Variants in ZC3H18 observed in about 807,000 individuals in gnomAD.
ZC3H18 encodes the protein zinc finger CCCH-type containing 18.
ZC3H18 carries 8 observed loss-of-function variants against 106.1 expected under a neutral mutation model. The observed-to-expected ratio is 0.08, with a 90% confidence interval of 0.04 to 0.14. ZC3H18 has a LOEUF of 0.14. Among genes scored for constraint, ZC3H18 ranks in the 10% least tolerant of loss-of-function variants. The probability of loss-of-function intolerance (pLI) is 1.00; values close to 1 mark genes in which losing one functional copy is unlikely to be tolerated. For missense variants in ZC3H18, 1,318 were observed against 1,278.4 expected (o/e 1.03, Z -0.47); for synonymous variants, 635 against 522.1 (o/e 1.22, Z -2.95).
intron 4 of ZC3H18, 142 bp downstream of exon 4, chr16:88,598,468 G>A: frequency 6.8e-7 from 1 of 1,472,776 alleles, no homozygotes; most frequent in Non-Finnish European, 9.2e-7. Flanking sequence ...GTGGAAGCAG[G>A]CCTCGGCTTT....
intron 2 of ZC3H18, among the ~76,000 whole-genome samples, chr16:88,585,769 G>A (rs1248495392): frequency 6.6e-6 from 1 of 152,122 alleles, no homozygotes; most frequent in African/African-American, 2.4e-5. Context: ...ATGGGCAGTG[G>A]TGCAGATTGC....
In ZC3H18 at chr16:88,622,536, C is replaced by T. The variant is rs369582927; in HGVS notation, c.1667+148C>T. The T allele has an allele frequency of 3.5e-5, 30 of 854,676 alleles. No individual in the cohort carries two copies. In the African/African-American group the frequency reaches 3.9e-4, roughly 11 times the overall value. 52.9% of individuals were successfully genotyped at this position (854,676 alleles called of 1,614,324 possible). ...TGCAGACCAGTCAGTGGGACTAACC[C>T]GGCGTTTATACCTTCAGCAAAGAGC... On this transcript the variant is annotated intron_variant, in intron 9 of 17. Coordinates refer to ENST00000301011, the MANE Select transcript of ZC3H18 (RefSeq NM_144604.4).
At chr16:88,614,874 C>A (rs1015962922) in intron 8 of ZC3H18, among the ~76,000 whole-genome samples, 1 of 152,238 alleles carries the variant, frequency 6.6e-6, no homozygotes, top group African/African-American at 2.4e-5. Context: ...AAGGTGCAGC[C>A]CAGCACCCCG....
chr16:88,594,929 A>C (rs1272027417), intron 3 of ZC3H18, among the ~76,000 whole-genome samples: 1 of 152,244 alleles, frequency 6.6e-6, no homozygotes, highest in African/African-American at 2.4e-5. Flanking sequence ...AGGCGGGCGG[A>C]TCACCTGAGG....
chr16:88,591,843 G>A (rs1396213455), intron 3 of ZC3H18, among the ~76,000 whole-genome samples: 1 of 152,040 alleles, frequency 6.6e-6, no homozygotes, highest in African/African-American at 2.4e-5. Flanking sequence ...TGGTGGTTGT[G>A]TGTTTCATCT....
At chr16:88,591,573 A>C (rs1391452650) in intron 3 of ZC3H18, among the ~76,000 whole-genome samples, 20 of 142,114 alleles carry the variant, frequency 1.4e-4, no homozygotes, top group Admixed American at 4.9e-4. Context: ...CTCCGTCTCC[A>C]AAAAAAAAAA....
rs370224340 is a variant in ZC3H18, at chr16:88,583,712, T to C, written c.604-2888T>C. ...GCGTGGAGACCCGGCTTCAGATGGG[T>C]GCACTGAGGCCTGTGTGTCTCCTCA... On this transcript the variant is annotated intron_variant, in intron 2 of 17. Transcript: ENST00000301011. Among the ~76,000 whole-genome samples, 11 of 152,226 alleles carry C rather than the reference T, an allele frequency of 7.2e-5. No individual in the cohort carries two copies. In the East Asian group the frequency reaches 1.7e-3, roughly 24 times the overall value.
At chr16:88,597,976 G>A (rs559205286) in intron 3 of ZC3H18, among the ~76,000 whole-genome samples, 6 of 152,330 alleles carry the variant, frequency 3.9e-5, no homozygotes, top group Admixed American at 6.5e-5. Context: ...GGGAACTGCC[G>A]TGCCTGGGCA....
At chr16:88,628,351 C>T (rs543811008) in intron 15 of ZC3H18, among the ~76,000 whole-genome samples, 3 of 152,268 alleles carry the variant, frequency 2.0e-5, no homozygotes, top group Non-Finnish European at 4.4e-5. Flanking sequence ...ACAGAGAGGG[C>T]GTTCTCTTCG....
intron 2 of ZC3H18, among the ~76,000 whole-genome samples, chr16:88,581,328 A>G (rs1915117423): frequency 6.6e-6 from 1 of 152,138 alleles, no homozygotes; most frequent in African/African-American, 2.4e-5. Context: ...CTCTTCTCTC[A>G]GGGCACATGT....
At chr16:88,577,753 G>T in intron 2 of ZC3H18, 27 bp downstream of exon 2, 1 of 1,612,320 alleles carries the variant, frequency 6.2e-7, no homozygotes, top group Non-Finnish European at 8.5e-7. Context: ...AGAGCGTCGC[G>T]GGGCATCCTG....
intron 15 of ZC3H18, among the ~76,000 whole-genome samples, chr16:88,628,342 CAG>C (rs1376771246): frequency 6.6e-6 from 1 of 152,178 alleles, no homozygotes; most frequent in Non-Finnish European, 1.5e-5. Context: ...TCTCTCTGAA[CAG>C]AGAGGGCGTT....
intron 6 of ZC3H18, among the ~76,000 whole-genome samples, chr16:88,602,197 C>T (rs900573484): frequency 2.0e-4 from 31 of 152,220 alleles, no homozygotes; most frequent in African/African-American, 7.2e-4. Context: ...CAAAGCAGGT[C>T]GCAGCTTGTA....
intron 8 of ZC3H18, among the ~76,000 whole-genome samples, chr16:88,620,792 C>G (rs892782108): frequency 1.3e-5 from 2 of 151,920 alleles, no homozygotes; most frequent in African/African-American, 2.4e-5. Context: ...TTCCATTGCT[C>G]AGGAGTTTAC....
chr16:88,621,043 T>TTTTTG (rs779249459), intron 8 of ZC3H18, among the ~76,000 whole-genome samples: 81 of 151,612 alleles, frequency 5.3e-4, no homozygotes, highest in African/African-American at 1.4e-3. Context: ...ATTTTTTTGT[T>TTTTTG]TTTTGTTTTG....
intron 13 of ZC3H18, chr16:88,625,532 C>T (rs887802096): frequency 6.0e-6 from 3 of 500,856 alleles, no homozygotes; most frequent in Non-Finnish European, 1.1e-5. Context: ...GGTGCCTCTG[C>T]CCTGCTGACT....
chr16:88,580,192 G>A (rs1342263448), intron 2 of ZC3H18, among the ~76,000 whole-genome samples: 1 of 83,550 alleles, frequency 1.2e-5, no homozygotes, highest in Admixed American at 1.5e-4. Flanking sequence ...GTGTGTGTGT[G>A]TGTGTGTGTG....
At chr16:88,616,571 C>T (rs1189179133) in intron 8 of ZC3H18, among the ~76,000 whole-genome samples, 1 of 152,214 alleles carries the variant, frequency 6.6e-6, no homozygotes, top group African/African-American at 2.4e-5. Flanking sequence ...GCAGAATTTC[C>T]AGCCAGTGCT....
intron 13 of ZC3H18, chr16:88,625,546 T>G: frequency 2.2e-6 from 1 of 461,648 alleles, no homozygotes; most frequent in East Asian, 4.1e-5. Context: ...GCTGACTTGA[T>G]GCCCAGCACC....
Sources: allele counts gnomAD v4.1 joint callset (sites outside exome capture counted in the v4.1 genomes callset), GRCh38; gene constraint gnomAD v4.1.1; transcripts MANE v1.5; gene names NCBI Gene and HGNC (gene_info 2026-07-23, HGNC 2026-07-21).